Variants in GBGT1 observed in about 807,000 individuals in gnomAD.
The protein encoded by GBGT1 is globoside alpha-1,3-N-acetylgalactosaminyltransferase 1 (FORS blood group), also known as globoside alpha-1,3-N-acetylgalactosaminyltransferase 1.
In GBGT1, 18 loss-of-function variants were observed where a neutral mutation model predicts 20.9. That is an observed-to-expected ratio of 0.86 (90% CI 0.60 to 1.28). The LOEUF is 1.28. Among genes scored for constraint, GBGT1 ranks in the 50% most tolerant of loss-of-function variants. GBGT1 has a pLI of 0.00. For missense variants in GBGT1, 432 were observed against 455.7 expected (o/e 0.95, Z 0.47); for synonymous variants, 168 against 180.8 (o/e 0.93, Z 0.57).
At position 133,161,610 on chromosome 9, in the gene GBGT1, T is replaced by C. The variant is rs1418032506; in HGVS notation, c.72-78A>G. On this transcript the variant is annotated intron_variant, in intron 2 of 6. Coordinates refer to ENST00000372040, the MANE Select transcript of GBGT1 (RefSeq NM_021996.6). ...TGAAAACGCACCTCATGCACGTCAT[T>C]GGGAGTGCAGGTCTCCCACAGTGCA... The C allele has an allele frequency of 8.1e-6, 8 of 989,894 alleles. No individual in the cohort carries two copies. The Admixed American group carries it at 1.7e-4, about 21-fold the overall frequency. The allele number at this position is 989,894 out of a possible 1,614,324, so 61.3% of individuals were successfully genotyped here.
chr9:133,160,168 A>G (rs750078462), intron 3 of GBGT1: 1 of 353,142 alleles, frequency 2.8e-6, no homozygotes, highest in South Asian at 2.0e-5. Flanking sequence ...AATCCCAGCT[A>G]TTCAGGTGGC....
At chr9:133,157,166 C>T (rs1832895537) in intron 3 of GBGT1, among the ~76,000 whole-genome samples, 1 of 152,040 alleles carries the variant, frequency 6.6e-6, no homozygotes, top group Non-Finnish European at 1.5e-5. Flanking sequence ...CACCTGTGGT[C>T]CTGGCTACTT....
Position 133,153,972 on chromosome 9 carries a change from G to C in GBGT1, c.649C>G (p.Pro217Ala). 6.2e-7 allele frequency: 1 copy of C among 1,613,634 alleles called. No individual in the cohort carries two copies. Among genetic ancestry groups the C allele is most frequent in the South Asian group, 1.1e-5 (1 of 91,084 alleles). ...GCCACCAGGTCTCCCAAGGTCTCAG[G>C]GCCCCACGGGTTCCGAAACACCATG... is the stretch of plus-strand genomic sequence containing the variant. ...VDMVFRNPWG[P>A]ETLGDLVAAI... The change falls in exon 7 of 7, where the codon CCT becomes GCT. Residue 217 changes from proline to alanine, a missense_variant. By Grantham distance (27) the Pro-to-Ala change is conservative (BLOSUM62 -1). Coordinates refer to ENST00000372040, the MANE Select transcript of GBGT1 (RefSeq NM_021996.6).
chr9:133,161,999 G>C (rs1031893141), intron 2 of GBGT1, among the ~76,000 whole-genome samples: 2 of 152,140 alleles, frequency 1.3e-5, no homozygotes, highest in South Asian at 4.1e-4. Flanking sequence ...GTCTTGTTGG[G>C]GCTGGGGTTG....
rs34903033 is a variant in GBGT1 at position 133,154,023 on chromosome 9, C to T, written c.598G>A (p.Asp200Asn). Residue 200 changes from aspartate (D) to asparagine (N), a missense_variant, in exon 7 of 7, where the codon GAC becomes AAC. Transcript: ENST00000372040. The surrounding 1 kb of genome is among the most constrained non-coding windows in gnomAD (Gnocchi z 4.2). ...HIAKRAHREV[D>N]YLFCLDVDMV... Reference sequence around the variant, plus strand: ...TCCACATCAAGGCAGAAGAGGTAGTCCACCTCCCGGTGAGCCCTCTTAGCA... The same window carrying T: ...TCCACATCAAGGCAGAAGAGGTAGTTCACCTCCCGGTGAGCCCTCTTAGCA... 1.3e-3 allele frequency: 2,088 copies of T among 1,613,844 alleles called. 15 individuals carry two copies. In the African/African-American group the frequency reaches 0.019, roughly 15 times the overall value.
intron 3 of GBGT1, among the ~76,000 whole-genome samples, chr9:133,159,347 C>G (rs1437399244): frequency 6.6e-6 from 1 of 152,204 alleles, no homozygotes; most frequent in Non-Finnish European, 1.5e-5. Flanking sequence ...AAGCATGTTT[C>G]AGGGCCCTGC....
At chr9:133,156,659 C>CAAAA (rs111747155) in intron 3 of GBGT1, among the ~76,000 whole-genome samples, 1 of 145,086 alleles carries the variant, frequency 6.9e-6, no homozygotes. Flanking sequence ...GATTCCATCT[C>CAAAA]AAAAAAAAAA....
chr9:133,155,242 G>C lies in GBGT1; in HGVS notation c.295C>G (p.Leu99Val), dbSNP rs2119303336. 2 of 1,614,066 alleles carry C rather than the reference G, an allele frequency of 1.2e-6. No homozygotes were observed. Among genetic ancestry groups the C allele is most frequent in the Non-Finnish European group, 1.7e-6 (2 of 1,179,976 alleles). ...IVSEGTFNPE[L>V]LQHIYQPLNL... is the part of the protein sequence containing the mutation. ...AGTGGCTGGTAGATGTGCTGCAGAA[G>C]CTCTGGGTTGAAGGTTCCCTCGGAG... The change falls in exon 6 of 7, where the codon CTT (leucine) becomes GTT (valine). Residue 99 changes from leucine to valine, a missense_variant. Coordinates refer to ENST00000372040, the MANE Select transcript of GBGT1 (RefSeq NM_021996.6).
chr9:133,155,329 C>T lies in GBGT1; in HGVS notation c.225-17G>A, dbSNP rs117184386. Reference sequence around the variant, plus strand: ...TGTGTGGGCCTGGCAGCAGGGGGGCCGTGGGCACTGAGACCCTCCCCTGTG... The same window carrying T: ...TGTGTGGGCCTGGCAGCAGGGGGGCTGTGGGCACTGAGACCCTCCCCTGTG... On this transcript the variant is annotated splice_polypyrimidine_tract_variant and intron_variant, in intron 5 of 6. Coordinates refer to ENST00000372040, the MANE Select transcript of GBGT1 (RefSeq NM_021996.6). 6,525 of 1,613,430 alleles carry T rather than the reference C, an allele frequency of 4.0e-3. 19 individuals carry two copies. The highest frequency in any genetic ancestry group is 6.1e-3 in the Admixed American group (363 of 59,970).
intron 1 of GBGT1, chr9:133,163,191 C>G (rs1021420497): frequency 2.0e-5 from 3 of 152,374 alleles, no homozygotes; most frequent in African/African-American, 7.2e-5. Context: ...CACATGCAGT[C>G]CCAGCGCAGG....
intron 5 of GBGT1, 82 bp downstream of exon 5, chr9:133,155,819 G>T: frequency 6.9e-7 from 1 of 1,452,030 alleles, no homozygotes; most frequent in African/African-American, 1.4e-5. Flanking sequence ...CCTGATGTTA[G>T]CACCTCCACT....
Position 133,154,147 on chromosome 9 carries a change from C to T in GBGT1, c.474G>A (p.Pro158=), listed in dbSNP as rs186077979. 26 of 1,597,992 alleles carry T rather than the reference C, an allele frequency of 1.6e-5. No homozygotes were observed. Among genetic ancestry groups the T allele is most frequent in the African/African-American group, 1.1e-4 (8 of 74,624 alleles). ...AGCTGAGAAGCCGGTGGGGACCCAG[C>T]GGGACCCCGGGAACGGCTGCAGGGT... ...TDNPAAVPGV[P]LGPHRLLSSI... The change falls in exon 7 of 7, where the codon CCG becomes CCA. Residue 158 remains proline, a synonymous_variant. Coordinates refer to ENST00000372040, the MANE Select transcript of GBGT1 (RefSeq NM_021996.6). The surrounding 1 kb of genome is among the most constrained non-coding windows in gnomAD (Gnocchi z 4.2).
chr9:133,157,168 T>C (rs1222453609), intron 3 of GBGT1, among the ~76,000 whole-genome samples: 2 of 151,438 alleles, frequency 1.3e-5, no homozygotes, highest in African/African-American at 2.4e-5. Context: ...CCTGTGGTCC[T>C]GGCTACTTGG....
At chr9:133,162,289 G>T in intron 2 of GBGT1, 53 bp downstream of exon 2, 1 of 1,021,200 alleles carries the variant, frequency 9.8e-7, no homozygotes, top group Non-Finnish European at 1.5e-6. Context: ...ATAGAGACAG[G>T]GGGAGTCCTG....
intron 2 of GBGT1, 149 bp from the exon 3 acceptor site, chr9:133,161,681 G>A (rs1833049566): frequency 1.7e-6 from 1 of 595,448 alleles, no homozygotes. Context: ...GGCTGACCTT[G>A]GAGGACAAAG....
chr9:133,153,808 C>T lies in GBGT1; in HGVS notation c.813G>A (p.Arg271=), dbSNP rs776989705. 4 of 1,590,318 alleles carry T rather than the reference C, an allele frequency of 2.5e-6. No homozygotes were observed. Among genetic ancestry groups the T allele is most frequent in the East Asian group, 2.2e-5 (1 of 44,590 alleles). Residue 271 remains arginine, a synonymous_variant, in exon 7 of 7, where the codon AGG becomes AGA. Transcript: ENST00000372040. The part of the protein sequence containing the change: ...GGAVFGGQVA[R]VYEFTRGCHM... The stretch of plus-strand genomic sequence containing the variant: ...GGCAGCCCCTAGTAAACTCATATAC[C>T]CTGGCCACCTGCCCCCCGAAGACTG...
intron 3 of GBGT1, chr9:133,160,098 T>C: frequency 3.4e-6 from 1 of 291,952 alleles, no homozygotes; most frequent in Non-Finnish European, 7.2e-6. Flanking sequence ...AAGACCAACC[T>C]GGCCAACATG....
At chr9:133,163,589 A>C (rs1222523277) in intron 1 of GBGT1, 165 bp downstream of exon 1, 1 of 152,880 alleles carries the variant, frequency 6.5e-6, no homozygotes, top group Non-Finnish European at 1.5e-5. Flanking sequence ...GCGAACGCAG[A>C]GCCCAGCCCC....
chr9:133,157,583 G>A (rs1389314285), intron 3 of GBGT1, among the ~76,000 whole-genome samples: 1 of 152,264 alleles, frequency 6.6e-6, no homozygotes, highest in Non-Finnish European at 1.5e-5. Flanking sequence ...TGCTCAGTAA[G>A]GTGAGGGATC....
Sources: allele counts gnomAD v4.1 joint callset (sites outside exome capture counted in the v4.1 genomes callset), GRCh38; gene constraint gnomAD v4.1.1; non-coding constraint Gnocchi (gnomAD v3.1); transcripts MANE v1.5; gene names NCBI Gene and HGNC (gene_info 2026-07-23, HGNC 2026-07-21).